NFIB: variants seen among roughly 807,000 people sequenced by gnomAD.
The protein encoded by NFIB is nuclear factor 1 B-type.
Under a neutral mutation model 61.5 loss-of-function variants are expected in NFIB, and 11 were observed. That is an observed-to-expected ratio of 0.18 (90% CI 0.11 to 0.30). NFIB has a LOEUF of 0.30. Ranked by LOEUF, NFIB falls within the 10% of genes least tolerant of loss-of-function variation. The probability of loss-of-function intolerance (pLI) is 1.00; values close to 1 mark genes in which losing one functional copy is unlikely to be tolerated. For missense variants in NFIB, 471 were observed against 608.9 expected, an observed-to-expected ratio of 0.77 and a Z score of 2.38; for synonymous variants, 260 against 216.5, an observed-to-expected ratio of 1.20 and a Z score of -1.76.
At chr9:14,368,865 A>G (rs145605505) in intron 1 of NFIB, among the ~76,000 whole-genome samples, 1 of 152,264 alleles carries the variant, frequency 6.6e-6, no homozygotes, top group African/African-American at 2.4e-5. Flanking sequence ...GTTCCCGTGA[A>G]CTTGTGCAAG....
At position 14,359,099 on chromosome 9, in the gene NFIB, C is replaced by G. The variant is rs546826209; in HGVS notation, c.108+39425G>C. Among the ~76,000 whole-genome samples the G allele has an allele frequency of 1.6e-4, 24 of 152,300 alleles. No homozygotes were observed. The South Asian group carries it at 5.0e-3, about 32-fold the overall frequency. On this transcript the variant is annotated intron_variant, in intron 1 of 8. Coordinates refer to the NFIB transcript ENST00000380934. The stretch of plus-strand genomic sequence containing the variant: ...GGCCATGGTAGCAGCGTTTACACTA[C>G]AGAACTGGGCAAATGCTACAAGATC...
intron 1 of NFIB, among the ~76,000 whole-genome samples, chr9:14,381,522 T>A (rs1158188956): frequency 1.3e-5 from 2 of 152,238 alleles, no homozygotes; most frequent in Non-Finnish European, 1.5e-5. Flanking sequence ...AACGATTTTT[T>A]AAATAGTAAT....
chr9:14,289,784 T>A (rs550011851), intron 2 of NFIB, among the ~76,000 whole-genome samples: 1 of 152,034 alleles, frequency 6.6e-6, no homozygotes, highest in Non-Finnish European at 1.5e-5. Flanking sequence ...AAAATTATTC[T>A]TCAGAGAATA....
chr9:14,270,907 C>T (rs987594793), intron 2 of NFIB, among the ~76,000 whole-genome samples: 2 of 152,056 alleles, frequency 1.3e-5, no homozygotes, highest in South Asian at 2.1e-4. Context: ...GCTGAGTCTC[C>T]GTAGGCCCTT....
At chr9:14,392,086 C>T (rs1349488468) in intron 1 of NFIB, among the ~76,000 whole-genome samples, 1 of 152,148 alleles carries the variant, frequency 6.6e-6, no homozygotes, top group East Asian at 1.9e-4. Flanking sequence ...ACATTCTATA[C>T]AATACCTGAC....
chr9:14,488,896 T>C, the NFIB span, among the ~76,000 whole-genome samples: 1 of 152,362 alleles, frequency 6.6e-6, no homozygotes, highest in East Asian at 1.9e-4. Context: ...TTCTCTGTTC[T>C]CTGTCTCCAG....
intron 6 of NFIB, among the ~76,000 whole-genome samples, chr9:14,144,768 C>G (rs2042107826): frequency 6.6e-6 from 1 of 152,138 alleles, no homozygotes. Flanking sequence ...TGAAATTTCT[C>G]AGTTTAAGCT....
intron 2 of NFIB, among the ~76,000 whole-genome samples, chr9:14,213,200 G>C (rs1037593490): frequency 6.6e-6 from 1 of 152,094 alleles, no homozygotes; most frequent in African/African-American, 2.4e-5. Context: ...AGAAAGACTG[G>C]GCACAGTCAG....
intron 2 of NFIB, among the ~76,000 whole-genome samples, chr9:14,258,799 T>A (rs1028440426): frequency 2.0e-5 from 3 of 152,148 alleles, no homozygotes; most frequent in Non-Finnish European, 4.4e-5. Flanking sequence ...CATAGAAACA[T>A]TATAAAAACA....
chr9:14,377,186 C>A (rs745331346), intron 1 of NFIB, among the ~76,000 whole-genome samples: 1 of 152,158 alleles, frequency 6.6e-6, no homozygotes, highest in Non-Finnish European at 1.5e-5. Context: ...TATAAAAATT[C>A]TTTTGTTTCA....
chr9:14,169,422 A>C (rs1189862073), intron 3 of NFIB, among the ~76,000 whole-genome samples: 5 of 152,210 alleles, frequency 3.3e-5, no homozygotes, highest in Non-Finnish European at 5.9e-5. Context: ...AAAGAGCAGA[A>C]TGTAAGTCAA....
chr9:14,440,422 G>C, the NFIB span, among the ~76,000 whole-genome samples: 1 of 152,074 alleles, frequency 6.6e-6, no homozygotes, highest in Non-Finnish European at 1.5e-5. Context: ...TTTTGTTATT[G>C]GTGATTTTAA....
intron 10 of NFIB, among the ~76,000 whole-genome samples, chr9:14,105,860 C>T (rs990986940): frequency 6.6e-6 from 1 of 152,014 alleles, no homozygotes; most frequent in Admixed American, 6.5e-5. Flanking sequence ...AATAATTTTA[C>T]ATTAGGCTTT....
the NFIB span, among the ~76,000 whole-genome samples, chr9:14,508,568 C>A: frequency 6.6e-6 from 1 of 152,222 alleles, no homozygotes; most frequent in Non-Finnish European, 1.5e-5. Flanking sequence ...AGTCCAGGAA[C>A]CACTGTGTCT....
chr9:14,288,041 A>C (rs2058831821), intron 2 of NFIB, among the ~76,000 whole-genome samples: 2 of 152,140 alleles, frequency 1.3e-5, no homozygotes, highest in Admixed American at 1.3e-4. Flanking sequence ...AGCTAACTTA[A>C]GAATATTTTT....
chr9:14,512,458 T>A, the NFIB span, among the ~76,000 whole-genome samples: 1 of 152,182 alleles, frequency 6.6e-6, no homozygotes, highest in African/African-American at 2.4e-5. Context: ...AGTAATAAAG[T>A]ATCTTCGTAT....
At chr9:14,244,767 C>T (rs1045465957) in intron 2 of NFIB, among the ~76,000 whole-genome samples, 1 of 152,106 alleles carries the variant, frequency 6.6e-6, no homozygotes, top group Non-Finnish European at 1.5e-5. Flanking sequence ...AGCAAAATGC[C>T]TGGAACACAA....
intron 2 of NFIB, among the ~76,000 whole-genome samples, chr9:14,229,086 G>A (rs1195312517): frequency 1.3e-5 from 2 of 150,478 alleles, no homozygotes; most frequent in Non-Finnish European, 2.9e-5. Flanking sequence ...GAAAAGAAGT[G>A]CCCTAAATAT....
In NFIB at chr9:14,116,193, G is replaced by A; in HGVS notation, c.1384+15C>T. On this transcript the variant is annotated intron_variant, in intron 9 of 10. Transcript: ENST00000380953. ...TGGAAATACTTACTGGTTGCTGTAG[G>A]TGAAGCTGCCTCACCTTCAGTGGAT... 1 of 1,488,854 alleles carries A rather than the reference G, an allele frequency of 6.7e-7. No homozygotes were observed. The highest frequency in any genetic ancestry group is 9.0e-7 in the Non-Finnish European group (1 of 1,112,246). 92.2% of individuals were successfully genotyped at this position (1,488,854 alleles called of 1,614,324 possible).
Sources: gnomAD v4.1 joint callset for allele counts (sites outside exome capture counted in the v4.1 genomes callset) on GRCh38, gnomAD v4.1.1 for gene constraint, MANE v1.5 for transcripts, NCBI Gene and HGNC (gene_info 2026-07-23, HGNC 2026-07-21) for gene names.